The following ERGIC2 variants were observed in gnomAD, a reference collection of about 807,000 sequenced individuals.
The protein encoded by ERGIC2 is endoplasmic reticulum-Golgi intermediate compartment protein 2.
Under a neutral mutation model 52.5 loss-of-function variants are expected in ERGIC2, and 31 were observed. The ratio of observed to expected loss-of-function variants is 0.59; its 90% CI spans 0.44 to 0.80. The LOEUF (loss-of-function observed/expected upper bound fraction) is 0.80. Ranked by LOEUF, ERGIC2 falls within the 30% of genes least tolerant of loss-of-function variation. The pLI is 0.00. For missense variants in ERGIC2, 395 were observed against 455.2 expected (o/e 0.87, Z 1.20); for synonymous variants, 129 against 140.6 (o/e 0.92, Z 0.58).
intron 1 of ERGIC2, among the ~76,000 whole-genome samples, chr12:29,377,679 A>C (rs146666970): frequency 6.6e-6 from 1 of 152,294 alleles, no homozygotes; most frequent in African/African-American, 2.4e-5. Flanking sequence ...AAACTTCCTA[A>C]GACATAAGAG....
At chr12:29,373,630 T>C (rs778793873) in intron 1 of ERGIC2, among the ~76,000 whole-genome samples, 24 of 152,230 alleles carry the variant, frequency 1.6e-4, no homozygotes, top group Non-Finnish European at 3.2e-4. Flanking sequence ...AGGGAGCTAC[T>C]ACTCTACAGT....
At chr12:29,358,815 CAGA>C (rs1048758939) in intron 6 of ERGIC2, among the ~76,000 whole-genome samples, 2 of 151,938 alleles carry the variant, frequency 1.3e-5, no homozygotes, top group African/African-American at 4.8e-5. Flanking sequence ...GATGTGCAAG[CAGA>C]AGATTAAAAA....
intron 7 of ERGIC2, 140 bp downstream of exon 7, chr12:29,357,482 AG>A: frequency 1.9e-6 from 1 of 527,674 alleles, no homozygotes; most frequent in Non-Finnish European, 3.4e-6. Context: ...TAAGAGCAAA[AG>A]GCGTCTTTAT....
At chr12:29,356,725 C>A (rs1565539409) in intron 7 of ERGIC2, among the ~76,000 whole-genome samples, 1 of 152,014 alleles carries the variant, frequency 6.6e-6, no homozygotes. Flanking sequence ...CAACTCTAAC[C>A]AGAGGACTAA....
rs1246923250 is a variant in ERGIC2 at position 29,340,362 on chromosome 12, T to C, written c.*794A>G. ...TATGTTGCCCAAAATACACCAATAA[T>C]ATAATGATTAGATTAAAAAACTTGG... On this transcript the variant is annotated 3_prime_UTR_variant, in exon 14 of 14. Coordinates refer to ENST00000360150, the MANE Select transcript of ERGIC2 (RefSeq NM_016570.3). 4 of 152,262 alleles carry C rather than the reference T, an allele frequency of 2.6e-5. No homozygotes were observed. The highest frequency in any genetic ancestry group is 9.7e-5 in the African/African-American group (4 of 41,442). 9.4% of individuals were successfully genotyped at this position (152,262 alleles called of 1,614,324 possible).
intron 1 of ERGIC2, among the ~76,000 whole-genome samples, chr12:29,376,050 G>A (rs537356827): frequency 6.6e-6 from 1 of 152,202 alleles, no homozygotes; most frequent in African/African-American, 2.4e-5. Flanking sequence ...AGTCATTTCT[G>A]AGACTCACAG....
Position 29,337,897 on chromosome 12 carries a change from G to C in ERGIC2, c.*3259C>G, listed in dbSNP as rs1949808049. 6.6e-6 allele frequency: 1 copy of C among 152,280 alleles called. No individual in the cohort carries two copies. The highest frequency in any genetic ancestry group is 1.9e-4 in the East Asian group (1 of 5,190). 9.4% of individuals were successfully genotyped at this position (152,280 alleles called of 1,614,324 possible). A position where few individuals can be genotyped will look rare whatever the true frequency, so the allele number is the denominator to read the frequency against. ...ACTATTAAAAAATTAGATCTGTCCAGGGGCAGTGGCTCATGCCTGTAATCC... is the reference window on the plus strand; with the variant it reads ...ACTATTAAAAAATTAGATCTGTCCACGGGCAGTGGCTCATGCCTGTAATCC... On this transcript the variant is annotated 3_prime_UTR_variant, in exon 14 of 14. Coordinates refer to ENST00000360150, the MANE Select transcript of ERGIC2 (RefSeq NM_016570.3).
rs1949841974 is a variant in ERGIC2, at chr12:29,341,756, C to G, written c.1049G>C (p.Gly350Ala). The change falls in exon 13 of 14, where the codon GGA becomes GCA. Residue 350 changes from glycine to alanine, a missense_variant. Coordinates refer to ENST00000360150, the MANE Select transcript of ERGIC2 (RefSeq NM_016570.3). ...VEIICCRFRL[G>A]SYKPVNSVPF... ...TACAGAATTGACAGGTTTATAGGAT[C>G]CAAGTCTGAAACGACAGCAAATTAT... 1 of 1,595,564 alleles carries G rather than the reference C, an allele frequency of 6.3e-7. No individual in the cohort carries two copies. Among genetic ancestry groups the G allele is most frequent in the Non-Finnish European group, 8.6e-7 (1 of 1,163,330 alleles).
intron 6 of ERGIC2, among the ~76,000 whole-genome samples, chr12:29,359,780 A>G (rs1940258195): frequency 6.6e-6 from 1 of 152,064 alleles, no homozygotes; most frequent in Non-Finnish European, 1.5e-5. Context: ...AAACGGGTAA[A>G]GAAAAATTTT....
chr12:29,348,465 C>T (rs557980327), intron 10 of ERGIC2, among the ~76,000 whole-genome samples: 3 of 152,008 alleles, frequency 2.0e-5, no homozygotes, highest in Admixed American at 2.0e-4. Flanking sequence ...AACATGAGAA[C>T]AGACTACTTT....
At chr12:29,361,961 T>C (rs1018236241) in intron 5 of ERGIC2, among the ~76,000 whole-genome samples, 1 of 152,172 alleles carries the variant, frequency 6.6e-6, no homozygotes, top group Non-Finnish European at 1.5e-5. Context: ...TTATCATATG[T>C]ACAAAATGGT....
At position 29,338,816 on chromosome 12, in the gene ERGIC2, G is replaced by T. The variant is rs1001446756; in HGVS notation, c.*2340C>A. 2 of 152,050 alleles carry T rather than the reference G, an allele frequency of 1.3e-5. No homozygotes were observed. Among genetic ancestry groups the T allele is most frequent in the African/African-American group, 2.4e-5 (1 of 41,384 alleles). 9.4% of individuals were successfully genotyped at this position (152,050 alleles called of 1,614,324 possible). A position where few individuals can be genotyped will look rare whatever the true frequency, so the allele number is the denominator to read the frequency against. On this transcript the variant is annotated 3_prime_UTR_variant, in exon 14 of 14. Coordinates refer to ENST00000360150, the MANE Select transcript of ERGIC2 (RefSeq NM_016570.3). ...TAAAAATCCATTTCATATAATTTGAGATCTCATTTTTAAATATGTAGTCTG... is the reference window on the plus strand; with the variant it reads ...TAAAAATCCATTTCATATAATTTGATATCTCATTTTTAAATATGTAGTCTG...
At chr12:29,357,798 T>A in intron 6 of ERGIC2, 74 bp from the exon 7 acceptor site, 1 of 828,728 alleles carries the variant, frequency 1.2e-6, no homozygotes, top group Admixed American at 2.1e-5. Context: ...AAAATGACAA[T>A]GTTTAGCTGA....
rs972489236 is a variant in ERGIC2 at position 29,339,992 on chromosome 12, T to G, written c.*1164A>C. 1 of 152,194 alleles carries G rather than the reference T, an allele frequency of 6.6e-6. No homozygotes were observed. Among genetic ancestry groups the G allele is most frequent in the African/African-American group, 2.4e-5 (1 of 41,464 alleles). 9.4% of individuals were successfully genotyped at this position (152,194 alleles called of 1,614,324 possible). A position where few individuals can be genotyped will look rare whatever the true frequency, so the allele number is the denominator to read the frequency against. On this transcript the variant is annotated 3_prime_UTR_variant, in exon 14 of 14. Coordinates refer to ENST00000360150, the MANE Select transcript of ERGIC2 (RefSeq NM_016570.3). ...AATACAGCTTTTAATAGTACCTGTG[T>G]GATAGCTCCCTCTCACTGTTTTTAA...
chr12:29,361,606 T>C, intron 6 of ERGIC2, 39 bp downstream of exon 6: 3 of 1,513,592 alleles, frequency 2.0e-6, no homozygotes, highest in Middle Eastern at 1.7e-4. Context: ...AAATATGACT[T>C]AGATTTCTAT....
Position 29,375,206 on chromosome 12 carries a change from C to A in ERGIC2, c.-37-3536G>T, listed in dbSNP as rs150618306. Reference sequence around the variant, plus strand: ...CAAGCAGGGGGAACAAAAAAACTTTCCATGGCCTTCAAAGTCTATCTGCTT... The same window carrying A: ...CAAGCAGGGGGAACAAAAAAACTTTACATGGCCTTCAAAGTCTATCTGCTT... On this transcript the variant is annotated intron_variant, in intron 1 of 13. Transcript: ENST00000360150. 6.6e-4 allele frequency among the ~76,000 whole-genome samples: 101 copies of A among 152,300 alleles called. 1 individual carries two copies. The highest frequency in any genetic ancestry group is 3.4e-3 in the Middle Eastern group (1 of 294).
At chr12:29,356,971 T>C (rs1940215174) in intron 7 of ERGIC2, among the ~76,000 whole-genome samples, 1 of 151,998 alleles carries the variant, frequency 6.6e-6, no homozygotes, top group Admixed American at 6.6e-5. Context: ...CACGAATCTT[T>C]TTTTTTTTTC....
rs1949826832 is a variant in ERGIC2 at position 29,340,153 on chromosome 12, A to C, written c.*1003T>G. On this transcript the variant is annotated 3_prime_UTR_variant, in exon 14 of 14. Transcript: ENST00000360150. ...AATACAGTTTTATAGTTTAATGGAC[A>C]ATGTTTAACATGGCACCTCTCAAAT... 6.6e-6 allele frequency: 1 copy of C among 152,184 alleles called. No homozygotes were observed. The highest frequency in any genetic ancestry group is 1.9e-4 in the East Asian group (1 of 5,194). The allele number at this position is 152,184 out of a possible 1,614,324, so 9.4% of individuals were successfully genotyped here. A position where few individuals can be genotyped will look rare whatever the true frequency, so the allele number is the denominator to read the frequency against.
At chr12:29,348,332 A>G (rs1766624111) in intron 10 of ERGIC2, among the ~76,000 whole-genome samples, 1 of 152,088 alleles carries the variant, frequency 6.6e-6, no homozygotes, top group African/African-American at 2.4e-5. Context: ...CTTAATTACA[A>G]TTTTACAAAG....
Sources: allele counts gnomAD v4.1 joint callset (sites outside exome capture counted in the v4.1 genomes callset), GRCh38; gene constraint gnomAD v4.1.1; transcripts MANE v1.5; gene names NCBI Gene and HGNC (gene_info 2026-07-23, HGNC 2026-07-21).